Variants in SUCLG2 observed in about 807,000 individuals in gnomAD.
SUCLG2 encodes the protein succinate--CoA ligase [GDP-forming] subunit beta, mitochondrial.
SUCLG2 carries 42 observed loss-of-function variants against 47.9 expected under a neutral mutation model. The ratio of observed to expected loss-of-function variants is 0.88; its 90% CI spans 0.69 to 1.14. The LOEUF (loss-of-function observed/expected upper bound fraction) is 1.14, where lower values mean the gene tolerates loss of function less well. Among genes scored for constraint, SUCLG2 ranks in the 50% most tolerant of loss-of-function variants. The probability of loss-of-function intolerance (pLI) is 0.00; values close to 1 mark genes in which losing one functional copy is unlikely to be tolerated. For missense variants in SUCLG2, 571 were observed against 525.9 expected (o/e 1.09, Z -0.84); for synonymous variants, 195 against 197.3 (o/e 0.99, Z 0.10).
At chr3:67,503,819 A>G (rs1288973502) in intron 7 of SUCLG2, among the ~76,000 whole-genome samples, 2 of 152,212 alleles carry the variant, frequency 1.3e-5, no homozygotes, top group Non-Finnish European at 1.5e-5. Flanking sequence ...TTATATGCAT[A>G]GGGTGTTTTG....
intron 6 of SUCLG2, among the ~76,000 whole-genome samples, chr3:67,513,411 T>A (rs1251818508): frequency 6.6e-6 from 1 of 152,252 alleles, no homozygotes; most frequent in Admixed American, 6.5e-5. Flanking sequence ...AGGCAGACCA[T>A]AATTTTTTTG....
chr3:67,645,638 C>G lies in SUCLG2; in HGVS notation c.84+8865G>C, dbSNP rs144503179. On this transcript the variant is annotated intron_variant, in intron 1 of 10. Coordinates refer to ENST00000307227, the MANE Select transcript of SUCLG2 (RefSeq NM_003848.4). Reference sequence around the variant, plus strand: ...TTGGCTTTCAATTTTAATGATACATCACTTTAAAAGAGCCCTGAATCTTAA... The same window carrying G: ...TTGGCTTTCAATTTTAATGATACATGACTTTAAAAGAGCCCTGAATCTTAA... Among the ~76,000 whole-genome samples the G allele has an allele frequency of 2.4e-3, 364 of 152,084 alleles. 8 individuals carry two copies. In the East Asian group the frequency reaches 0.052, roughly 22 times the overall value.
chr3:67,609,286 C>T (rs1335488626), intron 2 of SUCLG2, among the ~76,000 whole-genome samples, 169 bp downstream of exon 2: 1 of 151,882 alleles, frequency 6.6e-6, no homozygotes, highest in African/African-American at 2.4e-5. Flanking sequence ...CACTTACACA[C>T]ATGTACATGA....
At chr3:67,413,109 T>A (rs1001213555) in intron 9 of SUCLG2, among the ~76,000 whole-genome samples, 1 of 152,142 alleles carries the variant, frequency 6.6e-6, no homozygotes, top group Non-Finnish European at 1.5e-5. Flanking sequence ...TACCTAAGAA[T>A]CTGAAATTGT....
At chr3:67,568,624 A>C (rs1707529911) in intron 2 of SUCLG2, among the ~76,000 whole-genome samples, 1 of 152,172 alleles carries the variant, frequency 6.6e-6, no homozygotes, top group Admixed American at 6.5e-5. Context: ...GCGGTGGCTC[A>C]CGCCTGTAAT....
At chr3:67,566,014 A>C (rs1707445776) in intron 2 of SUCLG2, among the ~76,000 whole-genome samples, 1 of 152,226 alleles carries the variant, frequency 6.6e-6, no homozygotes, top group Admixed American at 6.5e-5. Context: ...TCCAGGGACC[A>C]CAGTAACAAC....
intron 9 of SUCLG2, among the ~76,000 whole-genome samples, chr3:67,463,132 A>G (rs1048993841): frequency 2.6e-5 from 4 of 152,248 alleles, no homozygotes; most frequent in Non-Finnish European, 5.9e-5. Context: ...CTTTAATTAA[A>G]GAAAAATAGG....
intron 9 of SUCLG2, among the ~76,000 whole-genome samples, chr3:67,427,863 C>G (rs1489859512): frequency 6.6e-6 from 1 of 152,248 alleles, no homozygotes; most frequent in East Asian, 1.9e-4. Flanking sequence ...GCCTCACTCA[C>G]TGCTACCACA....
intron 4 of SUCLG2, among the ~76,000 whole-genome samples, chr3:67,521,680 ACAACCTCTGCCTCCCTG>A (rs1171043738): frequency 1.3e-5 from 2 of 151,360 alleles, no homozygotes; most frequent in East Asian, 1.9e-4. Context: ...TCAGCTCCCT[ACAACCTCTGCCTCCCTG>A]CAACCTCTGC....
At chr3:67,387,168 T>C (rs747058322) in intron 10 of SUCLG2, among the ~76,000 whole-genome samples, 1 of 152,186 alleles carries the variant, frequency 6.6e-6, no homozygotes, top group Non-Finnish European at 1.5e-5. Flanking sequence ...TACTGATGAA[T>C]TAAATCTTCT....
intron 2 of SUCLG2, among the ~76,000 whole-genome samples, chr3:67,577,450 G>GA (rs925974093): frequency 2.0e-5 from 3 of 151,708 alleles, no homozygotes; most frequent in Non-Finnish European, 4.4e-5. Context: ...GAGCTAGAGA[G>GA]AAAAAAAACG....
chr3:67,393,292 C>G (rs142645901), intron 10 of SUCLG2, among the ~76,000 whole-genome samples: 5 of 152,190 alleles, frequency 3.3e-5, no homozygotes, highest in African/African-American at 1.2e-4. Context: ...ACAGATGGCA[C>G]CTGGAAAATC....
chr3:67,425,815 T>G (rs1269459476), intron 9 of SUCLG2, among the ~76,000 whole-genome samples: 2 of 152,210 alleles, frequency 1.3e-5, no homozygotes, highest in African/African-American at 4.8e-5. Flanking sequence ...CTAAAACAGG[T>G]GTAGTAAATT....
At chr3:67,639,695 C>T (rs1559608422) in intron 1 of SUCLG2, among the ~76,000 whole-genome samples, 2 of 152,106 alleles carry the variant, frequency 1.3e-5, no homozygotes, top group African/African-American at 4.8e-5. Context: ...GCAAAGTCAC[C>T]CTCTTTGGGA....
intron 10 of SUCLG2, among the ~76,000 whole-genome samples, chr3:67,386,761 G>A (rs1236385895): frequency 1.3e-5 from 2 of 152,194 alleles, no homozygotes; most frequent in Non-Finnish European, 2.9e-5. Context: ...AATTCAAGAT[G>A]AGATTTGGGT....
At chr3:67,468,095 G>C (rs1202932804) in intron 9 of SUCLG2, among the ~76,000 whole-genome samples, 1 of 152,170 alleles carries the variant, frequency 6.6e-6, no homozygotes, top group Admixed American at 6.6e-5. Context: ...GGGTTGAGGA[G>C]GTAGAGCAGG....
At chr3:67,583,668 A>G (rs1162413528) in intron 2 of SUCLG2, among the ~76,000 whole-genome samples, 3 of 152,230 alleles carry the variant, frequency 2.0e-5, no homozygotes, top group South Asian at 2.1e-4. Flanking sequence ...TTTGCAGCTT[A>G]GAGACTTCTT....
chr3:67,568,196 A>C, intron 2 of SUCLG2, among the ~76,000 whole-genome samples: 1 of 152,204 alleles, frequency 6.6e-6, no homozygotes, highest in East Asian at 1.9e-4. Flanking sequence ...TTCATGTGAC[A>C]CAAAAGACAA....
intron 9 of SUCLG2, among the ~76,000 whole-genome samples, chr3:67,403,043 C>A (rs1360103433): frequency 6.6e-6 from 1 of 152,124 alleles, no homozygotes; most frequent in African/African-American, 2.4e-5. Context: ...CCTCAGGTGG[C>A]ATCAGTTCCC....
Sources: allele counts gnomAD v4.1 joint callset (sites outside exome capture counted in the v4.1 genomes callset), GRCh38; gene constraint gnomAD v4.1.1; transcripts MANE v1.5; gene names NCBI Gene and HGNC (gene_info 2026-07-23, HGNC 2026-07-21).